The following NRXN3 variants were observed in gnomAD, a reference collection of about 807,000 sequenced individuals.
The protein encoded by NRXN3 is neurexin III.
A neutral mutation model predicts 137.6 loss-of-function variants in NRXN3; 32 were observed. That is an observed-to-expected ratio of 0.23 (90% CI 0.18 to 0.31). NRXN3 has a LOEUF of 0.31. NRXN3 is among the 10% of genes least tolerant of loss of function. NRXN3 has a pLI of 1.00. For synonymous variants in NRXN3, 798 were observed against 784.5 expected (o/e 1.02, Z -0.29); for missense variants, 1,574 against 2,062.5 (o/e 0.76, Z 4.59).
intron 16 of NRXN3, among the ~76,000 whole-genome samples, chr14:79,626,414 T>C (rs909466203): frequency 6.7e-6 from 1 of 149,388 alleles, no homozygotes; most frequent in Admixed American, 6.6e-5. Context: ...TTTCTTTTTT[T>C]TTTTTTAAAC....
chr14:79,016,331 G>A lies in NRXN3; in HGVS notation c.3262+28190G>A, dbSNP rs547142791. 2.0e-5 allele frequency among the ~76,000 whole-genome samples: 3 copies of A among 152,198 alleles called. No individual in the cohort carries two copies. The South Asian group carries it at 6.2e-4, about 32-fold the overall frequency. On this transcript the variant is annotated intron_variant, in intron 15 of 20. Coordinates refer to ENST00000335750, the MANE Select transcript of NRXN3 (RefSeq NM_001330195.2). ...TCCCTAAAATCTCCCTTAAGTCTTA[G>A]GCCCTTTTTATGCAGAAATGCCTGA...
Position 78,437,341 on chromosome 14 carries a change from CTTTTTCTTTTT to C in NRXN3, c.757+139487_757+139497del, listed in dbSNP as rs747869252. Among the ~76,000 whole-genome samples, 149 of 145,254 alleles carry C rather than the reference CTTTTTCTTTTT, an allele frequency of 1.0e-3. 1 individual carries two copies. The South Asian group carries it at 0.015, about 14-fold the overall frequency. ...GTGGTTTATTTTTTTCTTTTCTTTT[CTTTTTCTTTTT>C]TTTTTTTTATTTTTGAGACAGAGTC... On this transcript the variant is annotated intron_variant, in intron 4 of 20. Coordinates refer to ENST00000335750, the MANE Select transcript of NRXN3 (RefSeq NM_001330195.2).
At chr14:79,373,997 GATCTA>G (rs1487839060) in intron 15 of NRXN3, among the ~76,000 whole-genome samples, 1 of 152,008 alleles carries the variant, frequency 6.6e-6, no homozygotes, top group Non-Finnish European at 1.5e-5. Flanking sequence ...CTCATCATTT[GATCTA>G]TTATTTTATC....
At chr14:78,210,486 C>T (rs1453949130) in intron 1 of NRXN3, among the ~76,000 whole-genome samples, 1 of 152,168 alleles carries the variant, frequency 6.6e-6, no homozygotes, top group Non-Finnish European at 1.5e-5. Flanking sequence ...TGTGTTCATT[C>T]ATTTAGTAAG....
intron 15 of NRXN3, among the ~76,000 whole-genome samples, chr14:79,265,081 A>T (rs2078240261): frequency 6.6e-6 from 1 of 152,142 alleles, no homozygotes; most frequent in Admixed American, 6.5e-5. Flanking sequence ...AGAATGAGTT[A>T]AGATGGAAAA....
At chr14:79,526,913 C>T (rs1235039112) in intron 16 of NRXN3, among the ~76,000 whole-genome samples, 1 of 152,142 alleles carries the variant, frequency 6.6e-6, no homozygotes, top group African/African-American at 2.4e-5. Context: ...AATTAAGCCA[C>T]AGTTTAAGAC....
chr14:79,573,279 A>G (rs1439502489), intron 16 of NRXN3, among the ~76,000 whole-genome samples: 1 of 152,168 alleles, frequency 6.6e-6, no homozygotes, highest in Non-Finnish European at 1.5e-5. Flanking sequence ...CGAAATGCCT[A>G]AAGGAATGCA....
intron 10 of NRXN3, among the ~76,000 whole-genome samples, chr14:78,940,954 A>G (rs1367893004): frequency 1.3e-5 from 2 of 152,194 alleles, no homozygotes; most frequent in Non-Finnish European, 2.9e-5. Flanking sequence ...GTAGGAGCAT[A>G]TGTAGCCTCA....
chr14:79,622,264 A>G (rs574333891), intron 16 of NRXN3, among the ~76,000 whole-genome samples: 1 of 152,326 alleles, frequency 6.6e-6, no homozygotes, highest in South Asian at 2.1e-4. Flanking sequence ...TAATGTTAGT[A>G]GTAGAAGTGA....
intron 4 of NRXN3, among the ~76,000 whole-genome samples, chr14:78,433,424 T>A (rs1197656507): frequency 1.3e-5 from 2 of 152,130 alleles, no homozygotes; most frequent in African/African-American, 4.8e-5. Flanking sequence ...TTGCTAGGAC[T>A]GCCGTAACAA....
intron 16 of NRXN3, among the ~76,000 whole-genome samples, chr14:79,652,565 T>C (rs1360190941): frequency 6.6e-6 from 1 of 152,162 alleles, no homozygotes; most frequent in Non-Finnish European, 1.5e-5. Context: ...TTCAAGTAAA[T>C]TAAAATTAGG....
chr14:78,470,008 C>A (rs1184815932), intron 4 of NRXN3, among the ~76,000 whole-genome samples: 1 of 152,192 alleles, frequency 6.6e-6, no homozygotes, highest in Non-Finnish European at 1.5e-5. Flanking sequence ...GCCACTGAGT[C>A]AACAACAGAA....
intron 14 of NRXN3, among the ~76,000 whole-genome samples, chr14:78,983,439 G>A (rs912612340): frequency 1.3e-5 from 2 of 152,176 alleles, no homozygotes; most frequent in African/African-American, 4.8e-5. Context: ...TGTGGTATAT[G>A]TACACGATGC....
At chr14:78,827,233 T>C (rs1214049309) in intron 10 of NRXN3, among the ~76,000 whole-genome samples, 3 of 149,000 alleles carry the variant, frequency 2.0e-5, no homozygotes, top group Non-Finnish European at 4.4e-5. Flanking sequence ...ACCAATGTAC[T>C]ATTGCTGCAG....
At chr14:78,969,889 C>T (rs75305665) in intron 14 of NRXN3, among the ~76,000 whole-genome samples, 1 of 149,986 alleles carries the variant, frequency 6.7e-6, no homozygotes, top group Non-Finnish European at 1.5e-5. Flanking sequence ...ATCACTAAGC[C>T]CTTAAAGCAG....
At chr14:78,731,033 C>T (rs1334957068) in intron 8 of NRXN3, among the ~76,000 whole-genome samples, 1 of 152,144 alleles carries the variant, frequency 6.6e-6, no homozygotes, top group East Asian at 1.9e-4. Flanking sequence ...ACCTTTCTTT[C>T]ACCTTCCTTC....
chr14:79,467,318 G>A lies in NRXN3; in HGVS notation c.3360G>A (p.Val1120=). 6.2e-7 allele frequency: 1 copy of A among 1,613,786 alleles called. No individual in the cohort carries two copies. The highest frequency in any genetic ancestry group is 8.5e-7 in the Non-Finnish European group (1 of 1,179,678). The change falls in exon 16 of 21, where the codon GTG becomes GTA. Residue 1120 remains valine, a synonymous_variant. Transcript: ENST00000335750. ...GCACGCGGTCTGACCGCCTTGCCGT[G>A]GGCTTCAGCACCACTGTGAAGGATG... is the stretch of plus-strand genomic sequence containing the variant. The part of the protein sequence containing the change: ...RPSTRSDRLA[V]GFSTTVKDGI...
intron 4 of NRXN3, among the ~76,000 whole-genome samples, chr14:78,601,291 C>T (rs759706538): frequency 7.2e-5 from 11 of 152,040 alleles, no homozygotes; most frequent in East Asian, 1.9e-4. Context: ...CTTCACTTTC[C>T]GAAGTTCTCA....
intron 10 of NRXN3, among the ~76,000 whole-genome samples, chr14:78,919,442 T>C (rs1406638551): frequency 6.6e-6 from 1 of 152,192 alleles, no homozygotes; most frequent in Non-Finnish European, 1.5e-5. Flanking sequence ...ATTACACAAG[T>C]GGAGAAGAAT....
Sources: gnomAD v4.1 joint callset for allele counts (sites outside exome capture counted in the v4.1 genomes callset) on GRCh38, gnomAD v4.1.1 for gene constraint, MANE v1.5 for transcripts, NCBI Gene and HGNC (gene_info 2026-07-23, HGNC 2026-07-21) for gene names.